The following SHISA6 variants were observed in gnomAD, a reference collection of about 807,000 sequenced individuals.
The protein encoded by SHISA6 is protein shisa-6.
SHISA6 carries 22 observed loss-of-function variants against 47.9 expected under a neutral mutation model. The ratio of observed to expected loss-of-function variants is 0.46; its 90% CI spans 0.33 to 0.66. The LOEUF (loss-of-function observed/expected upper bound fraction) is 0.66, where lower values mean the gene tolerates loss of function less well. Ranked by LOEUF, SHISA6 falls within the 30% of genes least tolerant of loss-of-function variation. SHISA6 has a pLI of 0.02. For missense variants in SHISA6, 680 were observed against 764.6 expected (o/e 0.89, Z 1.30); for synonymous variants, 388 against 337.8 (o/e 1.15, Z -1.63).
chr17:11,522,371 G>A lies in SHISA6; in HGVS notation c.896-29525G>A, dbSNP rs949802302. Among the ~76,000 whole-genome samples the A allele has an allele frequency of 9.3e-5, 14 of 151,322 alleles. No homozygotes were observed. In the East Asian group the frequency reaches 2.1e-3, roughly 23 times the overall value. On this transcript the variant is annotated intron_variant, in intron 3 of 5. Transcript: ENST00000441885. ...CTCAACCTCCTGGGCTTCAGTGATC[G>A]TTCAGCCTCAGCCTCCTGAGTAGCT...
At position 11,271,273 on chromosome 17, in the gene SHISA6, T is replaced by C. The variant is rs115514806; in HGVS notation, c.799+7747T>C. The stretch of plus-strand genomic sequence containing the variant: ...CCTTGGTTCTCCTCAGCCATGACCT[T>C]CTCAGTGGCTTTTTTCTATCACTTA... On this transcript the variant is annotated intron_variant, in intron 2 of 5. Transcript: ENST00000441885. Among the ~76,000 whole-genome samples the C allele has an allele frequency of 9.0e-3, 1,373 of 152,064 alleles. 26 individuals are homozygous for C. Among genetic ancestry groups the C allele is most frequent in the African/African-American group, 0.032 (1,312 of 41,478 alleles).
chr17:11,556,086 A>T (rs566610698), intron 5 of SHISA6, among the ~76,000 whole-genome samples, 194 bp downstream of exon 5: 16 of 152,358 alleles, frequency 1.1e-4, no homozygotes, highest in African/African-American at 3.8e-4. Flanking sequence ...TTCTTTCCAT[A>T]CATAGAAAGA....
Position 11,437,280 on chromosome 17 carries a change from TC to T in SHISA6, c.895+57773del, listed in dbSNP as rs1457507176. On this transcript the variant is annotated intron_variant, in intron 3 of 5. Coordinates refer to ENST00000441885, the MANE Select transcript of SHISA6 (RefSeq NM_207386.4). ...CCCCAGGACCATTCACTTTCAGACT[TC>T]CAGGCTGCCTTTGGATGAGGACTGA... Among the ~76,000 whole-genome samples, 14 of 152,238 alleles carry T rather than the reference TC, an allele frequency of 9.2e-5. No individual in the cohort carries two copies. In the South Asian group the frequency reaches 2.7e-3, roughly 29 times the overall value.
At chr17:11,336,501 TC>T (rs1911327763) in intron 2 of SHISA6, among the ~76,000 whole-genome samples, 1 of 152,126 alleles carries the variant, frequency 6.6e-6, no homozygotes, top group African/African-American at 2.4e-5. Context: ...ATGGGGCACC[TC>T]CTGCTGCAGC....
chr17:11,507,961 C>T (rs745454099), intron 3 of SHISA6, among the ~76,000 whole-genome samples: 11 of 152,188 alleles, frequency 7.2e-5, no homozygotes, highest in Non-Finnish European at 1.3e-4. Flanking sequence ...AGGGAGTGAG[C>T]TAGCCCAAGG....
At chr17:11,340,975 G>A (rs1911505439) in intron 2 of SHISA6, among the ~76,000 whole-genome samples, 1 of 152,244 alleles carries the variant, frequency 6.6e-6, no homozygotes, top group African/African-American at 2.4e-5. Context: ...CAGGTCTGGA[G>A]GTGACCCTCA....
At chr17:11,455,829 G>A (rs1483239806) in intron 3 of SHISA6, among the ~76,000 whole-genome samples, 2 of 152,088 alleles carry the variant, frequency 1.3e-5, no homozygotes, top group Non-Finnish European at 2.9e-5. Flanking sequence ...AACCCTTCTG[G>A]TCATCGAAAA....
chr17:11,358,252 A>G (rs577318259), intron 2 of SHISA6, among the ~76,000 whole-genome samples: 2 of 152,250 alleles, frequency 1.3e-5, no homozygotes, highest in East Asian at 1.9e-4. Context: ...GAACTCAGCT[A>G]CTAGTCTAGG....
intron 2 of SHISA6, among the ~76,000 whole-genome samples, chr17:11,356,373 A>G (rs774146579): frequency 5.9e-5 from 9 of 152,120 alleles, no homozygotes; most frequent in Non-Finnish European, 8.8e-5. Context: ...GGTCTCTCTC[A>G]CTTGCATGAA....
chr17:11,296,614 C>G (rs1334076495), intron 2 of SHISA6, among the ~76,000 whole-genome samples: 2 of 152,074 alleles, frequency 1.3e-5, no homozygotes, highest in African/African-American at 4.8e-5. Context: ...ACCTATAGAG[C>G]CCAGGAGCAG....
At chr17:11,297,744 C>T (rs1251353553) in intron 2 of SHISA6, among the ~76,000 whole-genome samples, 1 of 152,164 alleles carries the variant, frequency 6.6e-6, no homozygotes, top group East Asian at 1.9e-4. Flanking sequence ...GGACCCTGTC[C>T]CATCCAAGTG....
In SHISA6 at chr17:11,241,291, G is replaced by T. The variant is rs1333608162; in HGVS notation, c.-132G>T. 9 of 450,636 alleles carry T rather than the reference G, an allele frequency of 2.0e-5. No individual in the cohort carries two copies. Among genetic ancestry groups the T allele is most frequent in the Non-Finnish European group, 2.6e-5 (9 of 342,938 alleles). The allele number at this position is 450,636 out of a possible 1,614,324, so 27.9% of individuals were successfully genotyped here. A position where few individuals can be genotyped will look rare whatever the true frequency, so the allele number is the denominator to read the frequency against. Reference sequence around the variant, plus strand: ...CGCCACTGCCGCCCGCGCCTCGATGGCGCCATCGCCCCGGAGCCGCTGACC... The same window carrying T: ...CGCCACTGCCGCCCGCGCCTCGATGTCGCCATCGCCCCGGAGCCGCTGACC... On this transcript the variant is annotated 5_prime_UTR_variant, in exon 1 of 6. Coordinates refer to ENST00000441885, the MANE Select transcript of SHISA6 (RefSeq NM_207386.4). The surrounding 1 kb of genome is among the most constrained non-coding windows in gnomAD (Gnocchi z 5.5).
intron 2 of SHISA6, among the ~76,000 whole-genome samples, chr17:11,330,697 G>A (rs1446213979): frequency 1.3e-5 from 2 of 152,136 alleles, no homozygotes; most frequent in Non-Finnish European, 2.9e-5. Context: ...AGATCCATGC[G>A]TGAAGCACCT....
At chr17:11,455,920 T>C (rs1419375959) in intron 3 of SHISA6, among the ~76,000 whole-genome samples, 2 of 152,072 alleles carry the variant, frequency 1.3e-5, no homozygotes, top group East Asian at 3.9e-4. Context: ...CTAAAATGAG[T>C]GCATTTTCTT....
Position 11,316,641 on chromosome 17 carries a change from C to T in SHISA6, c.799+53115C>T, listed in dbSNP as rs576923367. ...TTCACCATCTTAGCCAGGATGGTCT[C>T]GATCTCCTAACCTAGTGACTCGCCC... On this transcript the variant is annotated intron_variant, in intron 2 of 5. Transcript: ENST00000441885. Among the ~76,000 whole-genome samples, 26 of 152,016 alleles carry T rather than the reference C, an allele frequency of 1.7e-4. 1 individual carries two copies. The highest frequency in any genetic ancestry group is 6.0e-4 in the African/African-American group (25 of 41,470).
chr17:11,277,280 T>TCTTTCTCTCACA (rs1386997909), intron 2 of SHISA6, among the ~76,000 whole-genome samples: 2 of 53,864 alleles, frequency 3.7e-5, no homozygotes, highest in Admixed American at 5.6e-4. Context: ...TCTCTCTCTC[T>TCTTTCTCTCACA]CACACACACA....
rs367885380 is a variant in SHISA6 at position 11,386,323 on chromosome 17, C to A, written c.895+6814C>A. 6.6e-5 allele frequency among the ~76,000 whole-genome samples: 10 copies of A among 151,970 alleles called. No individual in the cohort carries two copies. In the South Asian group the frequency reaches 2.1e-3, roughly 32 times the overall value. ...TCGGGAGGTGGAAGTTGCAGTGAGCCGAGATCATGCCATTGCACTCCAGCC... is the reference window on the plus strand; with the variant it reads ...TCGGGAGGTGGAAGTTGCAGTGAGCAGAGATCATGCCATTGCACTCCAGCC... On this transcript the variant is annotated intron_variant, in intron 3 of 5. Transcript: ENST00000441885.
In SHISA6 at chr17:11,241,690, A is replaced by G. The variant is rs1907345011; in HGVS notation, c.268A>G (p.Thr90Ala). The change falls in exon 1 of 6, where the codon ACC becomes GCC. Residue 90 changes from threonine to alanine, a missense_variant. Transcript: ENST00000441885. This position sits in a 1 kb window ranked among gnomAD's most constrained non-coding sequence, Gnocchi z 5.5. ...AVAAAASAAV[T>A]YETCWGYYDV... ...GGCGGCGGCGGCCAGCGCGGCCGTC[A>G]CCTACGAGACGTGCTGGGGCTACTA... The G allele has an allele frequency of 2.7e-6, 4 of 1,508,262 alleles. No homozygotes were observed. The East Asian group carries it at 1.1e-4, about 40-fold the overall frequency. 93.4% of individuals were successfully genotyped at this position (1,508,262 alleles called of 1,614,324 possible).
chr17:11,303,015 A>G (rs1172004572), intron 2 of SHISA6, among the ~76,000 whole-genome samples: 2 of 152,174 alleles, frequency 1.3e-5, no homozygotes, highest in Non-Finnish European at 2.9e-5. Flanking sequence ...TGGGAAAGAA[A>G]GACGTCTGAC....
Sources: allele counts gnomAD v4.1 joint callset (sites outside exome capture counted in the v4.1 genomes callset), GRCh38; gene constraint gnomAD v4.1.1; non-coding constraint Gnocchi (gnomAD v3.1); transcripts MANE v1.5; gene names NCBI Gene and HGNC (gene_info 2026-07-23, HGNC 2026-07-21).